Variants in CHCHD3 observed in about 807,000 individuals in gnomAD.
CHCHD3 encodes coiled-coil-helix-coiled-coil-helix domain containing 3.
In CHCHD3, 20 loss-of-function variants were observed where a neutral mutation model predicts 38.2. The observed-to-expected ratio is 0.52, with a 90% confidence interval of 0.37 to 0.76. The LOEUF (loss-of-function observed/expected upper bound fraction) is 0.76. Ranked by LOEUF, CHCHD3 falls within the 30% of genes least tolerant of loss-of-function variation. The pLI is 0.00. For missense variants in CHCHD3, 245 were observed against 279.2 expected (o/e 0.88, Z 0.87); for synonymous variants, 82 against 100.0 (o/e 0.82, Z 1.07).
chr7:132,827,847 CGATAG>C (rs1385742192), intron 6 of CHCHD3, among the ~76,000 whole-genome samples: 1 of 152,110 alleles, frequency 6.6e-6, no homozygotes, highest in Non-Finnish European at 1.5e-5. Context: ...TTACATGTAT[CGATAG>C]TTTGCTCTTC....
chr7:132,833,189 G>A (rs1207862899), intron 6 of CHCHD3, among the ~76,000 whole-genome samples: 1 of 152,074 alleles, frequency 6.6e-6, no homozygotes, highest in Non-Finnish European at 1.5e-5. Context: ...AACATTACTA[G>A]CGCCATATAA....
At chr7:132,967,947 T>C (rs1295897355) in intron 4 of CHCHD3, among the ~76,000 whole-genome samples, 1 of 152,180 alleles carries the variant, frequency 6.6e-6, no homozygotes, top group Non-Finnish European at 1.5e-5. Context: ...AAGCAAACTT[T>C]AAATCTGTAA....
intron 4 of CHCHD3, among the ~76,000 whole-genome samples, chr7:132,922,829 C>A (rs1312873318): frequency 1.3e-5 from 2 of 150,566 alleles, no homozygotes; most frequent in African/African-American, 4.9e-5. Flanking sequence ...AACCTACCAG[C>A]AAAGCAACTA....
chr7:132,819,119 T>C (rs1336496187), intron 6 of CHCHD3, among the ~76,000 whole-genome samples: 2 of 152,244 alleles, frequency 1.3e-5, no homozygotes, highest in African/African-American at 2.4e-5. Flanking sequence ...GGCAGATCGA[T>C]AAAGAGGATA....
chr7:132,943,760 A>G (rs1810828942), intron 4 of CHCHD3, among the ~76,000 whole-genome samples: 1 of 152,162 alleles, frequency 6.6e-6, no homozygotes, highest in Admixed American at 6.6e-5. Flanking sequence ...ATATGTTAAG[A>G]CATTACTGAA....
At chr7:132,977,042 T>C (rs1026037073) in intron 3 of CHCHD3, among the ~76,000 whole-genome samples, 1 of 152,326 alleles carries the variant, frequency 6.6e-6, no homozygotes, top group East Asian at 1.9e-4. Context: ...ATGACACTCA[T>C]ACAAACCAAA....
chr7:132,890,470 A>G (rs1047397050), intron 4 of CHCHD3, among the ~76,000 whole-genome samples: 1 of 152,172 alleles, frequency 6.6e-6, no homozygotes, highest in Non-Finnish European at 1.5e-5. Flanking sequence ...CTGGGGACTC[A>G]AGTGTGGCAC....
chr7:133,013,486 C>A (rs1812940403), intron 3 of CHCHD3, among the ~76,000 whole-genome samples: 1 of 152,118 alleles, frequency 6.6e-6, no homozygotes, highest in African/African-American at 2.4e-5. Context: ...AGGGCTTGGA[C>A]CAGTGCTTAG....
intron 2 of CHCHD3, among the ~76,000 whole-genome samples, chr7:133,038,159 G>T (rs1813732627): frequency 6.6e-6 from 1 of 152,050 alleles, no homozygotes; most frequent in African/African-American, 2.4e-5. Context: ...AACAAAATTG[G>T]TTCATGTTCT....
At chr7:133,006,234 G>A (rs2117400698) in intron 3 of CHCHD3, among the ~76,000 whole-genome samples, 1 of 152,186 alleles carries the variant, frequency 6.6e-6, no homozygotes, top group African/African-American at 2.4e-5. Flanking sequence ...GCAAGGCCAA[G>A]GCAGGCAGAT....
intron 4 of CHCHD3, among the ~76,000 whole-genome samples, chr7:132,896,515 C>G (rs1809503323): frequency 6.6e-6 from 1 of 152,190 alleles, no homozygotes; most frequent in Non-Finnish European, 1.5e-5. Flanking sequence ...AGTTCAGTGG[C>G]ATATGCTCTG....
chr7:132,786,195 C>G (rs1210784602), intron 7 of CHCHD3, among the ~76,000 whole-genome samples: 1 of 152,122 alleles, frequency 6.6e-6, no homozygotes, highest in Non-Finnish European at 1.5e-5. Flanking sequence ...CAAAAGTGCT[C>G]CTGGTAGGGG....
intron 4 of CHCHD3, among the ~76,000 whole-genome samples, chr7:132,919,312 C>T (rs1014334231): frequency 6.6e-6 from 1 of 151,756 alleles, no homozygotes; most frequent in Non-Finnish European, 1.5e-5. Flanking sequence ...GGGGTTTCAT[C>T]GTGTTAACCA....
At chr7:133,052,759 C>G (rs982906530) in intron 2 of CHCHD3, among the ~76,000 whole-genome samples, 1 of 152,220 alleles carries the variant, frequency 6.6e-6, no homozygotes, top group Non-Finnish European at 1.5e-5. Flanking sequence ...TTCAAACCCT[C>G]TCACAAGACA....
intron 6 of CHCHD3, among the ~76,000 whole-genome samples, chr7:132,830,521 T>C (rs34858392): frequency 1.2e-3 from 184 of 152,350 alleles, no homozygotes; most frequent in Middle Eastern, 3.4e-3. Flanking sequence ...GTGACAGTTA[T>C]AATTTACATT....
chr7:132,850,450 G>GT lies in CHCHD3; in HGVS notation c.454-11982dup, dbSNP rs75016148. ...ATTAGAGTCTCAGGTTTTTTTTTTT[G>GT]TTTTTTTTTTTTTTCTTGATTTGGT... On this transcript the variant is annotated intron_variant, in intron 5 of 7. Coordinates refer to ENST00000262570, the MANE Select transcript of CHCHD3 (RefSeq NM_017812.4). 6.0e-3 allele frequency among the ~76,000 whole-genome samples: 795 copies of GT among 132,928 alleles called. 7 individuals are homozygous for GT. The highest frequency in any genetic ancestry group is 0.019 in the African/African-American group (669 of 35,020). The allele number at this position is 132,928 out of a possible 152,430, so 87.2% of individuals were successfully genotyped here.
chr7:132,898,218 G>A (rs1192210706), intron 4 of CHCHD3, among the ~76,000 whole-genome samples: 2 of 152,164 alleles, frequency 1.3e-5, no homozygotes, highest in African/African-American at 4.8e-5. Context: ...AGTGTGGAAA[G>A]GGACCCGAGC....
chr7:132,924,456 T>C (rs924064953), intron 4 of CHCHD3, among the ~76,000 whole-genome samples: 2 of 152,142 alleles, frequency 1.3e-5, no homozygotes, highest in Admixed American at 6.6e-5. Flanking sequence ...TAAGTATAGG[T>C]AAAAATTAAT....
At chr7:132,890,107 A>G (rs1042895875) in intron 4 of CHCHD3, among the ~76,000 whole-genome samples, 8 of 152,210 alleles carry the variant, frequency 5.3e-5, no homozygotes, top group African/African-American at 1.9e-4. Context: ...AATGTACTTA[A>G]GTGGATCATT....
Sources: allele counts gnomAD v4.1 joint callset (sites outside exome capture counted in the v4.1 genomes callset), GRCh38; gene constraint gnomAD v4.1.1; transcripts MANE v1.5; gene names NCBI Gene and HGNC (gene_info 2026-07-23, HGNC 2026-07-21).